The following DMC1 variants were observed in gnomAD, a reference collection of about 807,000 sequenced individuals.
DMC1 encodes the protein meiotic recombination protein DMC1 homolog.
In DMC1, 27 loss-of-function variants were observed where a neutral mutation model predicts 50.1. The observed-to-expected ratio is 0.54, with a 90% CI of 0.40 to 0.74. The LOEUF is 0.74. Among genes scored for constraint, DMC1 ranks in the 30% least tolerant of loss-of-function variants. The pLI, the probability that DMC1 is intolerant of heterozygous loss-of-function variation, is 0.00. For missense variants in DMC1, 295 were observed against 420.2 expected, an observed-to-expected ratio of 0.70 and a Z score of 2.60; for synonymous variants, 148 against 136.1, an observed-to-expected ratio of 1.09 and a Z score of -0.61.
At chr22:38,550,518 T>G (rs1430122221) in intron 7 of DMC1, among the ~76,000 whole-genome samples, 1 of 151,288 alleles carries the variant, frequency 6.6e-6, no homozygotes, top group African/African-American at 2.4e-5. Flanking sequence ...TTCACCATGT[T>G]GGCCAGGATG....
rs11570417 is a variant in DMC1 at position 38,548,162 on chromosome 22, A to C, written c.494+1763T>G. ...CTCAATTCTCCTCTCTTCTCTCTCT[A>C]TAAGTTCTCTTTCCCCCTTGGTTAA... On this transcript the variant is annotated intron_variant, in intron 8 of 13. Coordinates refer to ENST00000216024, the MANE Select transcript of DMC1 (RefSeq NM_007068.4). 7.5e-3 allele frequency among the ~76,000 whole-genome samples: 1,146 copies of C among 152,162 alleles called. 33 individuals carry two copies. Among genetic ancestry groups the C allele is most frequent in the Admixed American group, 0.062 (940 of 15,268 alleles).
chr22:38,563,567 T>A (rs887935332), intron 4 of DMC1, among the ~76,000 whole-genome samples: 1 of 152,080 alleles, frequency 6.6e-6, no homozygotes, highest in Non-Finnish European at 1.5e-5. Context: ...TCTCTAAGAA[T>A]AAACAACTGG....
chr22:38,515,476 C>CAAA (rs71197116), downstream of DMC1, among the ~76,000 whole-genome samples: 1 of 102,764 alleles, frequency 9.7e-6, no homozygotes, highest in Admixed American at 1.1e-4. Flanking sequence ...AAATCCCTCT[C>CAAA]AAAAAAAAAA....
intron 9 of DMC1, among the ~76,000 whole-genome samples, chr22:38,538,927 T>C (rs1019365314): frequency 2.6e-5 from 4 of 151,976 alleles, no homozygotes; most frequent in East Asian, 1.9e-4. Flanking sequence ...TCCCAGCGAC[T>C]TGGGAGGCTG....
intron 12 of DMC1, 131 bp downstream of exon 12, chr22:38,537,461 C>T (rs1435824808): frequency 6.3e-6 from 5 of 795,188 alleles, no homozygotes; most frequent in Admixed American, 5.8e-5. Context: ...ATCCGCCTGC[C>T]TCAGCCTGCT....
the DMC1 span, among the ~76,000 whole-genome samples, chr22:38,513,772 G>A: frequency 6.6e-6 from 1 of 152,124 alleles, no homozygotes; most frequent in Non-Finnish European, 1.5e-5. Flanking sequence ...CGCCATGTTG[G>A]CCAGGCTGGC....
intron 5 of DMC1, 54 bp from the exon 6 acceptor site, chr22:38,555,463 G>C (rs2090460021): frequency 8.5e-7 from 1 of 1,176,878 alleles, no homozygotes; most frequent in African/African-American, 1.5e-5. Context: ...AATATTAAGA[G>C]AGGAGAAAGT....
chr22:38,514,372 G>A (rs1170915634), downstream of DMC1, among the ~76,000 whole-genome samples: 1 of 149,756 alleles, frequency 6.7e-6, no homozygotes, highest in Non-Finnish European at 1.5e-5. Context: ...AGCCTCTGGA[G>A]TAGCTGGGAC....
intron 12 of DMC1, among the ~76,000 whole-genome samples, chr22:38,530,113 C>T (rs924260481): frequency 6.6e-6 from 1 of 151,864 alleles, no homozygotes; most frequent in African/African-American, 2.4e-5. Context: ...ATTACAGGAA[C>T]CCCCCACCAC....
chr22:38,567,114 AT>A lies in DMC1; in HGVS notation c.97-379del, dbSNP rs527641960. ...AACATGTTCTTTTAAATTTGTAAAGATTTTTTTTTTCCTCTGCCCCTGGAGA... is the reference window on the plus strand; with the variant it reads ...AACATGTTCTTTTAAATTTGTAAAGATTTTTTTTTCCTCTGCCCCTGGAGA... On this transcript the variant is annotated intron_variant, in intron 3 of 13. Transcript: ENST00000216024. Among the ~76,000 whole-genome samples, 1,499 of 150,904 alleles carry A rather than the reference AT, an allele frequency of 9.9e-3. 12 individuals carry two copies. The highest frequency in any genetic ancestry group is 0.017 in the Non-Finnish European group (1,125 of 67,622).
chr22:38,514,993 G>A (rs1416062286), downstream of DMC1, among the ~76,000 whole-genome samples: 3 of 136,944 alleles, frequency 2.2e-5, no homozygotes, highest in African/African-American at 5.6e-5. Flanking sequence ...TCAGCCTCCC[G>A]AGTAGCTGGG....
rs117319054 is a variant in DMC1 at position 38,536,480 on chromosome 22, T to C, written c.836+1112A>G. Among the ~76,000 whole-genome samples the C allele has an allele frequency of 6.7e-3, 1,026 of 152,310 alleles. 1 individual carries two copies. The highest frequency in any genetic ancestry group is 9.9e-3 in the Non-Finnish European group (675 of 68,020). On this transcript the variant is annotated intron_variant, in intron 12 of 13. Coordinates refer to ENST00000216024, the MANE Select transcript of DMC1 (RefSeq NM_007068.4). ...CACTGCCGTCTTTCAGAGTCATCAA[T>C]AGTTATGTGCACAAACACTTCAACA...
Position 38,519,649 on chromosome 22 carries a change from C to G in DMC1, c.*371G>C, listed in dbSNP as rs2090002056. ...AACTCTTAGACTTTCTGTTTAGTGG[C>G]TCACTTTGAAAAGTGAAAGGGAGGG... On this transcript the variant is annotated 3_prime_UTR_variant, in exon 14 of 14. Coordinates refer to ENST00000216024, the MANE Select transcript of DMC1 (RefSeq NM_007068.4). 1 of 272,576 alleles carries G rather than the reference C, an allele frequency of 3.7e-6. No homozygotes were observed. The highest frequency in any genetic ancestry group is 3.9e-5 in the South Asian group (1 of 25,504). The allele number at this position is 272,576 out of a possible 1,614,324, so 16.9% of individuals were successfully genotyped here.
the DMC1 span, among the ~76,000 whole-genome samples, chr22:38,511,197 T>C: frequency 6.6e-6 from 1 of 152,108 alleles, no homozygotes; most frequent in East Asian, 1.9e-4. Flanking sequence ...TCAATAAGTT[T>C]ATCATTAATG....
chr22:38,523,693 G>A (rs2090055167), intron 12 of DMC1, among the ~76,000 whole-genome samples: 2 of 151,988 alleles, frequency 1.3e-5, no homozygotes, highest in East Asian at 1.9e-4. Flanking sequence ...GCTTGAACTC[G>A]GAAGGCGGAG....
chr22:38,516,322 A>G (rs2089976194), downstream of DMC1, among the ~76,000 whole-genome samples: 1 of 152,180 alleles, frequency 6.6e-6, no homozygotes. Flanking sequence ...ACTGAACTTT[A>G]GGCCTTTGTT....
At chr22:38,556,116 G>A (rs2090466814) in intron 5 of DMC1, among the ~76,000 whole-genome samples, 1 of 152,196 alleles carries the variant, frequency 6.6e-6, no homozygotes, top group African/African-American at 2.4e-5. Flanking sequence ...ACAGGCATAA[G>A]CCACCATGCC....
the DMC1 span, among the ~76,000 whole-genome samples, chr22:38,513,762 C>T: frequency 2.6e-5 from 4 of 152,212 alleles, no homozygotes; most frequent in East Asian, 3.9e-4. Context: ...GTTGGGGTTT[C>T]GCCATGTTGG....
At chr22:38,546,285 G>C (rs958470750) in intron 8 of DMC1, among the ~76,000 whole-genome samples, 13 of 88,002 alleles carry the variant, frequency 1.5e-4, no homozygotes, top group Admixed American at 1.1e-3. Flanking sequence ...AGCTACTCGG[G>C]AGGCTGAGGA....
Sources: gnomAD v4.1 joint callset for allele counts (sites outside exome capture counted in the v4.1 genomes callset) on GRCh38, gnomAD v4.1.1 for gene constraint, MANE v1.5 for transcripts, NCBI Gene and HGNC (gene_info 2026-07-23, HGNC 2026-07-21) for gene names.